IMMP2L: variants seen among roughly 807,000 people sequenced by gnomAD.
The protein encoded by IMMP2L is inner mitochondrial membrane peptidase subunit 2, also known as mitochondrial inner membrane protease subunit 2.
A neutral mutation model predicts 19.3 loss-of-function variants in IMMP2L; 18 were observed. That is an observed-to-expected ratio of 0.93 (90% CI 0.64 to 1.38). The LOEUF (loss-of-function observed/expected upper bound fraction) is 1.38, where lower values mean the gene tolerates loss of function less well. Ranked by LOEUF, IMMP2L falls within the 40% of genes most tolerant of loss-of-function variation. The probability of loss-of-function intolerance (pLI) is 0.00; values close to 1 mark genes in which losing one functional copy is unlikely to be tolerated. For synonymous variants in IMMP2L, 76 were observed against 73.0 expected, an observed-to-expected ratio of 1.04 and a Z score of -0.21; for missense variants, 233 against 218.2, an observed-to-expected ratio of 1.07 and a Z score of -0.43.
chr7:110,936,066 T>A (rs886400915), intron 4 of IMMP2L, among the ~76,000 whole-genome samples: 1 of 152,146 alleles, frequency 6.6e-6, no homozygotes, highest in Non-Finnish European at 1.5e-5. Flanking sequence ...GATTAAAGAC[T>A]TAAACGTAAG....
intron 5 of IMMP2L, among the ~76,000 whole-genome samples, chr7:110,819,474 G>C (rs1802837174): frequency 6.6e-6 from 1 of 151,936 alleles, no homozygotes. Flanking sequence ...ATTAAAATAG[G>C]GTATGGATAA....
chr7:111,353,933 A>C (rs1298196878), intron 3 of IMMP2L, among the ~76,000 whole-genome samples: 1 of 152,090 alleles, frequency 6.6e-6, no homozygotes, highest in Non-Finnish European at 1.5e-5. Context: ...TGAAATATCA[A>C]CCATAGCTGC....
At chr7:111,358,167 T>C (rs573994884) in intron 3 of IMMP2L, among the ~76,000 whole-genome samples, 1 of 149,624 alleles carries the variant, frequency 6.7e-6, no homozygotes, top group African/African-American at 2.5e-5. Context: ...ACATCTAGTA[T>C]GTTTAGATTT....
chr7:111,326,050 T>A (rs934722493), intron 3 of IMMP2L, among the ~76,000 whole-genome samples: 2 of 151,768 alleles, frequency 1.3e-5, no homozygotes, highest in African/African-American at 4.8e-5. Context: ...ATGTACAGTA[T>A]TTTTTTATGG....
chr7:110,735,675 G>C (rs1430817013), intron 5 of IMMP2L, among the ~76,000 whole-genome samples: 1 of 59,690 alleles, frequency 1.7e-5, no homozygotes, highest in African/African-American at 5.8e-5. Flanking sequence ...ATATATAGTA[G>C]ACAAATACAC....
At chr7:110,856,952 A>G (rs1214271775) in intron 5 of IMMP2L, among the ~76,000 whole-genome samples, 1 of 152,096 alleles carries the variant, frequency 6.6e-6, no homozygotes, top group Non-Finnish European at 1.5e-5. Context: ...TCTGTCAGAC[A>G]TTCTCTGACA....
intron 2 of IMMP2L, among the ~76,000 whole-genome samples, chr7:111,489,176 T>C (rs994457952): frequency 5.3e-5 from 8 of 151,638 alleles, no homozygotes. Flanking sequence ...CCCGAGTAGC[T>C]GGGACTAGAG....
intron 3 of IMMP2L, among the ~76,000 whole-genome samples, chr7:111,148,448 G>A (rs1455344457): frequency 2.6e-5 from 4 of 151,864 alleles, no homozygotes; most frequent in Admixed American, 2.6e-4. Context: ...TGGTAATAAT[G>A]TACAACTCTG....
intron 5 of IMMP2L, among the ~76,000 whole-genome samples, chr7:110,779,825 T>C (rs1385073351): frequency 5.3e-5 from 8 of 151,768 alleles, no homozygotes; most frequent in Non-Finnish European, 1.0e-4. Context: ...CTGATAACAA[T>C]TGTTACTATT....
At chr7:110,738,804 A>T (rs191625244) in intron 5 of IMMP2L, among the ~76,000 whole-genome samples, 1 of 152,344 alleles carries the variant, frequency 6.6e-6, no homozygotes, top group East Asian at 1.9e-4. Context: ...GAATCTGAAG[A>T]TCTGTGAGCC....
chr7:110,724,549 G>T (rs1795771033), intron 5 of IMMP2L: 1 of 151,994 alleles, frequency 6.6e-6, no homozygotes, highest in African/African-American at 2.4e-5. Flanking sequence ...AAGTAATGTT[G>T]CAGCTTCTCT....
intron 3 of IMMP2L, among the ~76,000 whole-genome samples, chr7:111,007,648 T>C (rs766925318): frequency 7.9e-5 from 12 of 152,100 alleles, no homozygotes; most frequent in Admixed American, 4.6e-4. Context: ...ACCACTGACG[T>C]GTACGTATGT....
At chr7:111,479,319 G>GAT (rs149874690) in intron 3 of IMMP2L, among the ~76,000 whole-genome samples, 3,171 of 152,088 alleles carry the variant, frequency 0.021, 111 homozygotes, top group African/African-American at 0.072. Context: ...AATGCCTTTA[G>GAT]ATATATATAT....
chr7:111,480,109 A>G (rs1842050913), intron 3 of IMMP2L, among the ~76,000 whole-genome samples: 1 of 146,122 alleles, frequency 6.8e-6, no homozygotes, highest in South Asian at 2.2e-4. Flanking sequence ...TTTGAGATGG[A>G]GTCTCACTTT....
intron 2 of IMMP2L, among the ~76,000 whole-genome samples, chr7:111,501,520 G>T (rs1050871089): frequency 2.6e-5 from 4 of 152,102 alleles, no homozygotes; most frequent in African/African-American, 9.7e-5. Context: ...ACACATAACT[G>T]TCACATTCAC....
At chr7:111,039,773 T>C (rs900075961) in intron 3 of IMMP2L, among the ~76,000 whole-genome samples, 1 of 152,178 alleles carries the variant, frequency 6.6e-6, no homozygotes, top group Non-Finnish European at 1.5e-5. Context: ...TGTGCAAATT[T>C]TACCTAAGAA....
rs575306995 is a variant in IMMP2L at position 111,319,010 on chromosome 7, T to C, written c.239+168228A>G. On this transcript the variant is annotated intron_variant, in intron 3 of 5. Transcript: ENST00000405709. ...CTTAAATGTTGTCCACACATCACAA[T>C]GACCAATAAGAAAACATCCCTGTCC... Among the ~76,000 whole-genome samples the C allele has an allele frequency of 6.6e-5, 10 of 152,234 alleles. No individual in the cohort carries two copies. In the East Asian group the frequency reaches 1.7e-3, roughly 26 times the overall value.
chr7:110,808,448 A>C (rs1001773806), intron 5 of IMMP2L, among the ~76,000 whole-genome samples: 2 of 152,070 alleles, frequency 1.3e-5, no homozygotes, highest in African/African-American at 4.8e-5. Flanking sequence ...GAATGCAGTC[A>C]CTAAAAGGCT....
rs1795462802 is a variant in IMMP2L at position 111,076,900 on chromosome 7, C to T, written c.240-113335G>A. Among the ~76,000 whole-genome samples the T allele has an allele frequency of 2.0e-5, 3 of 152,162 alleles. No individual in the cohort carries two copies. In the South Asian group the frequency reaches 6.2e-4, roughly 32 times the overall value. ...AAAATCCTCAGGGCAAAATAAAAGG[C>T]TTTTACTTTCCTTCTACTATATTTT... On this transcript the variant is annotated intron_variant, in intron 3 of 5. Coordinates refer to ENST00000405709, the MANE Select transcript of IMMP2L (RefSeq NM_032549.4).
Sources: allele counts gnomAD v4.1 joint callset (sites outside exome capture counted in the v4.1 genomes callset), GRCh38; gene constraint gnomAD v4.1.1; transcripts MANE v1.5; gene names NCBI Gene and HGNC (gene_info 2026-07-23, HGNC 2026-07-21).